CHP1: variants seen among roughly 807,000 people sequenced by gnomAD.
The protein encoded by CHP1 is calcineurin like EF-hand protein 1, also known as calcineurin B homologous protein 1.
Under a neutral mutation model 27.4 loss-of-function variants are expected in CHP1, and 11 were observed. The ratio of observed to expected loss-of-function variants is 0.40; its 90% CI spans 0.25 to 0.67. The LOEUF is 0.67. Ranked by LOEUF, CHP1 falls within the 30% of genes least tolerant of loss-of-function variation. The probability of loss-of-function intolerance (pLI) is 0.38; values close to 1 mark genes in which losing one functional copy is unlikely to be tolerated. For missense variants in CHP1, 169 were observed against 251.3 expected, an observed-to-expected ratio of 0.67 and a Z score of 2.22; for synonymous variants, 89 against 87.4, an observed-to-expected ratio of 1.02 and a Z score of -0.10.
intron 2 of CHP1, among the ~76,000 whole-genome samples, chr15:41,252,927 GTTTTTTTTTTTTTTTTT>G (rs144891496): frequency 0.017 from 1,094 of 65,916 alleles, 30 homozygotes; most frequent in African/African-American, 0.061. Flanking sequence ...ATTTCACATG[GTTTTTTTTTTTTTTTTT>G]TTTTTTTTTT....
chr15:41,243,868 T>TAGAGA, intron 2 of CHP1, 129 bp downstream of exon 2: 1 of 715,840 alleles, frequency 1.4e-6, no homozygotes, highest in Non-Finnish European at 2.4e-6. Flanking sequence ...ACCATTTCTC[T>TAGAGA]ACTGGTCTTT....
chr15:41,233,385 A>G (rs534453011), intron 1 of CHP1, among the ~76,000 whole-genome samples: 2 of 152,316 alleles, frequency 1.3e-5, no homozygotes, highest in South Asian at 4.1e-4. Flanking sequence ...TGGTTTATAT[A>G]CATTTGACCA....
In CHP1 at chr15:41,264,016, C is replaced by T. The variant is rs182279868; in HGVS notation, c.349+1133C>T. ...GCTCACTTTACAAGTCAGATTAGGCCGGCAGGAGGGTTGATTCTGTTTCAA... is the reference window on the plus strand; with the variant it reads ...GCTCACTTTACAAGTCAGATTAGGCTGGCAGGAGGGTTGATTCTGTTTCAA... On this transcript the variant is annotated intron_variant, in intron 4 of 6. Coordinates refer to ENST00000334660, the MANE Select transcript of CHP1 (RefSeq NM_007236.5). 49 of 389,460 alleles carry T rather than the reference C, an allele frequency of 1.3e-4. No individual in the cohort carries two copies. In the East Asian group the frequency reaches 1.4e-3, roughly 11 times the overall value. 24.1% of individuals were successfully genotyped at this position (389,460 alleles called of 1,614,324 possible).
intron 1 of CHP1, among the ~76,000 whole-genome samples, chr15:41,237,480 T>C (rs1204574163): frequency 6.6e-6 from 1 of 152,184 alleles, no homozygotes; most frequent in Non-Finnish European, 1.5e-5. Context: ...ATTTCTCCAA[T>C]TATAAGAAGA....
At position 41,231,300 on chromosome 15, in the gene CHP1, CT is replaced by C. The variant is rs1191109346; in HGVS notation, c.-82del. The C allele has an allele frequency of 1.5e-6, 2 of 1,351,598 alleles. No homozygotes were observed. The highest frequency in any genetic ancestry group is 2.1e-6 in the Non-Finnish European group (2 of 965,536). The allele number at this position is 1,351,598 out of a possible 1,614,324, so 83.7% of individuals were successfully genotyped here. ...ACACTGCCCTCTCCCTTCTTGACCCCTAGCCCTTCCTTCCCTCCCTCCTTCC... is the reference window on the plus strand; with the variant it reads ...ACACTGCCCTCTCCCTTCTTGACCCCAGCCCTTCCTTCCCTCCCTCCTTCC... On this transcript the variant is annotated 5_prime_UTR_variant, in exon 1 of 7. Coordinates refer to ENST00000334660, the MANE Select transcript of CHP1 (RefSeq NM_007236.5).
At chr15:41,267,633 G>C (rs113767082) in intron 4 of CHP1, among the ~76,000 whole-genome samples, 5 of 150,912 alleles carry the variant, frequency 3.3e-5, no homozygotes, top group Non-Finnish European at 7.4e-5. Flanking sequence ...CTGCACTCCA[G>C]CCTGGGTGAC....
chr15:41,247,545 G>A (rs1456132921), intron 2 of CHP1, among the ~76,000 whole-genome samples: 6 of 151,868 alleles, frequency 4.0e-5, no homozygotes, highest in African/African-American at 1.2e-4. Flanking sequence ...GGTGGCGCAC[G>A]CCTGTAATCC....
At chr15:41,251,821 T>A (rs997421779) in intron 2 of CHP1, among the ~76,000 whole-genome samples, 4 of 150,678 alleles carry the variant, frequency 2.7e-5, no homozygotes, top group South Asian at 2.1e-4. Context: ...TTTTTTTTTT[T>A]AATTAGAGAC....
At chr15:41,237,426 A>T (rs2047283059) in intron 1 of CHP1, among the ~76,000 whole-genome samples, 1 of 151,994 alleles carries the variant, frequency 6.6e-6, no homozygotes, top group African/African-American at 2.4e-5. Context: ...AGGATTATAG[A>T]CGTGAGCCAC....
Position 41,280,245 on chromosome 15 carries a change from T to C in CHP1, c.*856T>C, listed in dbSNP as rs558336092. 1 of 152,588 alleles carries C rather than the reference T, an allele frequency of 6.6e-6. No individual in the cohort carries two copies. The highest frequency in any genetic ancestry group is 1.5e-5 in the Non-Finnish European group (1 of 68,074). The allele number at this position is 152,588 out of a possible 1,614,324, so 9.5% of individuals were successfully genotyped here. On this transcript the variant is annotated 3_prime_UTR_variant, in exon 7 of 7. Transcript: ENST00000334660. ...CCTCTTGTTAGTGCAATGTTGACTGTTGAAAAAGCAGCAGTATGCTTACAG... is the reference window on the plus strand; with the variant it reads ...CCTCTTGTTAGTGCAATGTTGACTGCTGAAAAAGCAGCAGTATGCTTACAG...
chr15:41,257,537 A>C (rs1019655375), intron 3 of CHP1, among the ~76,000 whole-genome samples: 1 of 151,726 alleles, frequency 6.6e-6, no homozygotes, highest in Admixed American at 6.6e-5. Flanking sequence ...AATCAATATT[A>C]AAAATAACTG....
intron 5 of CHP1, chr15:41,272,063 T>C (rs2047492368): frequency 6.6e-6 from 1 of 152,224 alleles, no homozygotes; most frequent in Non-Finnish European, 1.5e-5. Context: ...AAAGTCCTGG[T>C]TGAACTTTTG....
chr15:41,257,408 T>C (rs1210102668), intron 3 of CHP1, among the ~76,000 whole-genome samples: 1 of 152,080 alleles, frequency 6.6e-6, no homozygotes, highest in Non-Finnish European at 1.5e-5. Flanking sequence ...AATAAAAATA[T>C]AATGCAAGCC....
intron 2 of CHP1, among the ~76,000 whole-genome samples, chr15:41,254,057 G>A (rs560097473): frequency 8.0e-4 from 121 of 151,922 alleles, no homozygotes; most frequent in Middle Eastern, 3.4e-3. Context: ...GCCTCCAAAA[G>A]TGCTGGGATT....
intron 2 of CHP1, among the ~76,000 whole-genome samples, chr15:41,252,697 T>C (rs566080336): frequency 4.7e-4 from 72 of 152,214 alleles, no homozygotes; most frequent in African/African-American, 1.6e-3. Flanking sequence ...ACCCTGGTTT[T>C]TCTAAGCATC....
At chr15:41,235,360 A>C (rs2047271654) in intron 1 of CHP1, among the ~76,000 whole-genome samples, 1 of 152,156 alleles carries the variant, frequency 6.6e-6, no homozygotes, top group Non-Finnish European at 1.5e-5. Flanking sequence ...TCTACAAAAA[A>C]ATAAATTTAA....
chr15:41,256,974 G>A lies in CHP1; in HGVS notation c.205G>A (p.Ala69Thr). Reference protein sequence around the residue: ...INPLGDRIINAFFPEGEDQVN... With the variant: ...INPLGDRIINTFFPEGEDQVN... ...CCCACTGGGGGACCGGATCATCAAT[G>A]CCTTCTTTCCAGAGGGGTGAGTCAG... Residue 69 changes from alanine to threonine, a missense_variant, in exon 3 of 7, where the codon GCC becomes ACC. By Grantham distance (58) the Ala-to-Thr change is moderately conservative. Transcript: ENST00000334660. 6.2e-7 allele frequency: 1 copy of A among 1,613,968 alleles called. No individual in the cohort carries two copies. Among genetic ancestry groups the A allele is most frequent in the Non-Finnish European group, 8.5e-7 (1 of 1,179,892 alleles).
intron 3 of CHP1, among the ~76,000 whole-genome samples, chr15:41,258,334 T>G (rs1390856854): frequency 6.6e-6 from 1 of 152,190 alleles, no homozygotes; most frequent in Non-Finnish European, 1.5e-5. Context: ...AACTTAACAT[T>G]GATACAATCC....
chr15:41,264,366 C>T (rs1181058705), intron 4 of CHP1: 3 of 354,424 alleles, frequency 8.5e-6, no homozygotes, highest in Non-Finnish European at 1.6e-5. Flanking sequence ...GTTGGAATGC[C>T]ACAGAAATGG....
Sources: allele counts gnomAD v4.1 joint callset (sites outside exome capture counted in the v4.1 genomes callset), GRCh38; gene constraint gnomAD v4.1.1; transcripts MANE v1.5; gene names NCBI Gene and HGNC (gene_info 2026-07-23, HGNC 2026-07-21).